ITPR2: variants seen among roughly 807,000 people sequenced by gnomAD.
ITPR2 encodes inositol 1,4,5-trisphosphate receptor type 2.
Under a neutral mutation model 317.1 loss-of-function variants are expected in ITPR2, and 207 were observed. The observed-to-expected ratio is 0.65, with a 90% CI of 0.58 to 0.73. ITPR2 has a LOEUF of 0.73. ITPR2 is among the 30% of genes least tolerant of loss of function. The probability of loss-of-function intolerance (pLI) is 0.00; values close to 1 mark genes in which losing one functional copy is unlikely to be tolerated. For synonymous variants in ITPR2, 1,156 were observed against 1,149.1 expected, an observed-to-expected ratio of 1.01 and a Z score of -0.12; for missense variants, 2,613 against 3,284.0, an observed-to-expected ratio of 0.80 and a Z score of 4.99.
At chr12:26,645,544 G>A (rs1005557124) in intron 21 of ITPR2, among the ~76,000 whole-genome samples, 21 of 152,224 alleles carry the variant, frequency 1.4e-4, no homozygotes, top group African/African-American at 5.1e-4. Flanking sequence ...AGCAGAGCAT[G>A]GACAGAGGGA....
At chr12:26,477,420 C>T (rs893838521) in intron 43 of ITPR2, among the ~76,000 whole-genome samples, 1 of 151,696 alleles carries the variant, frequency 6.6e-6, no homozygotes. Flanking sequence ...GAATTTAGCA[C>T]AATTGTTAAA....
At chr12:26,734,119 A>G (rs1949076130) in intron 2 of ITPR2, among the ~76,000 whole-genome samples, 1 of 152,190 alleles carries the variant, frequency 6.6e-6, no homozygotes, top group African/African-American at 2.4e-5. Flanking sequence ...TTCTTTCACA[A>G]ATGCTTTGAA....
At chr12:26,765,844 C>T (rs1229198850) in intron 2 of ITPR2, among the ~76,000 whole-genome samples, 1 of 152,136 alleles carries the variant, frequency 6.6e-6, no homozygotes, top group Non-Finnish European at 1.5e-5. Context: ...TAATTTCTGT[C>T]TCTACAGATT....
chr12:26,471,503 G>A (rs185788849), intron 45 of ITPR2, among the ~76,000 whole-genome samples: 19 of 152,276 alleles, frequency 1.2e-4, no homozygotes, highest in Non-Finnish European at 2.6e-4. Flanking sequence ...AGTATTAGAA[G>A]TTAAGAAATT....
chr12:26,396,462 G>A (rs1352847775), intron 54 of ITPR2, among the ~76,000 whole-genome samples: 7 of 152,082 alleles, frequency 4.6e-5, no homozygotes, highest in African/African-American at 1.4e-4. Context: ...TTCCAAAGCT[G>A]TTTTCTCCCC....
At chr12:26,547,385 T>C (rs1008702549) in intron 37 of ITPR2, among the ~76,000 whole-genome samples, 2 of 152,056 alleles carry the variant, frequency 1.3e-5, no homozygotes, top group African/African-American at 4.8e-5. Context: ...TGGCTATTAT[T>C]AAAAAGACAA....
intron 37 of ITPR2, among the ~76,000 whole-genome samples, chr12:26,529,922 G>GCCA (rs1259189145): frequency 2.6e-5 from 4 of 152,088 alleles, no homozygotes; most frequent in African/African-American, 9.7e-5. Context: ...TCATTGTTTT[G>GCCA]TTTTCTTTCA....
At chr12:26,541,672 G>A (rs1944266458) in intron 37 of ITPR2, among the ~76,000 whole-genome samples, 1 of 152,152 alleles carries the variant, frequency 6.6e-6, no homozygotes, top group Non-Finnish European at 1.5e-5. Flanking sequence ...TACAATAAGA[G>A]GAGCTTGATA....
At chr12:26,483,286 T>C (rs186642371) in intron 42 of ITPR2, among the ~76,000 whole-genome samples, 1 of 152,326 alleles carries the variant, frequency 6.6e-6, no homozygotes, top group African/African-American at 2.4e-5. Context: ...TAGAACCTAT[T>C]CATCAGCAAA....
chr12:26,667,264 T>C (rs1947650264), intron 13 of ITPR2, among the ~76,000 whole-genome samples: 1 of 152,198 alleles, frequency 6.6e-6, no homozygotes, highest in Non-Finnish European at 1.5e-5. Context: ...CCTGATCCTA[T>C]CTCCCGATTT....
intron 37 of ITPR2, among the ~76,000 whole-genome samples, chr12:26,538,379 G>T (rs1944160328): frequency 6.6e-6 from 1 of 151,718 alleles, no homozygotes; most frequent in South Asian, 2.1e-4. Context: ...CCTTCAGGTT[G>T]CTAGAACTAG....
intron 2 of ITPR2, among the ~76,000 whole-genome samples, chr12:26,734,982 T>C (rs1435363961): frequency 6.6e-6 from 1 of 151,302 alleles, no homozygotes; most frequent in Non-Finnish European, 1.5e-5. Context: ...AATTGTGTAA[T>C]TGTGCAAGCC....
chr12:26,581,310 G>A (rs1048297147), intron 32 of ITPR2, among the ~76,000 whole-genome samples: 24 of 152,256 alleles, frequency 1.6e-4, no homozygotes, highest in African/African-American at 5.3e-4. Flanking sequence ...ATGGAGGCGG[G>A]AGAAAGAGAA....
intron 55 of ITPR2, among the ~76,000 whole-genome samples, chr12:26,367,307 A>G (rs566414389): frequency 6.6e-6 from 1 of 152,356 alleles, no homozygotes; most frequent in African/African-American, 2.4e-5. Flanking sequence ...AGCTTGTTCA[A>G]TAAATACTGC....
chr12:26,415,841 A>G (rs1340465954), intron 50 of ITPR2, among the ~76,000 whole-genome samples: 2 of 152,150 alleles, frequency 1.3e-5, no homozygotes, highest in Non-Finnish European at 2.9e-5. Flanking sequence ...CTACTTATTC[A>G]CTTATTCTTT....
chr12:26,756,621 C>CTTG, intron 2 of ITPR2, among the ~76,000 whole-genome samples: 3 of 152,242 alleles, frequency 2.0e-5, no homozygotes, highest in Non-Finnish European at 4.4e-5. Flanking sequence ...GGATAGCCCT[C>CTTG]ACCATACTGA....
Position 26,681,961 on chromosome 12 carries a change from T to C in ITPR2, c.1322A>G (p.Asp441Gly). Residue 441 changes from aspartate (D) to glycine (G), a missense_variant, in exon 13 of 57, where the codon GAC becomes GGC. Asp to Gly is a moderately conservative substitution (Grantham distance 94, BLOSUM62 -1). This residue lies in a region of ITPR2 where 515 missense variants were observed against 789.4 expected (regional missense o/e 0.65). Transcript: ENST00000381340. ...IVSVPLSEVR[D>G]LDFANDANKV... Reference sequence around the variant, plus strand: ...ATTGGCATCATTGGCAAAGTCTAAGTCTCGAACTTCAGACAGTGGAACAGA... The same window carrying C: ...ATTGGCATCATTGGCAAAGTCTAAGCCTCGAACTTCAGACAGTGGAACAGA... The C allele has an allele frequency of 1.9e-6, 3 of 1,613,688 alleles. No individual in the cohort carries two copies. Among genetic ancestry groups the C allele is most frequent in the Non-Finnish European group, 2.5e-6 (3 of 1,179,632 alleles).
intron 37 of ITPR2, among the ~76,000 whole-genome samples, chr12:26,497,839 T>C (rs1193580522): frequency 2.0e-5 from 3 of 151,588 alleles, no homozygotes; most frequent in Admixed American, 6.6e-5. Context: ...GCCTCCCGAG[T>C]AGCTGGGATT....
In ITPR2 at chr12:26,534,906, G is replaced by A. The variant is rs996296466; in HGVS notation, c.5073+15341C>T. On this transcript the variant is annotated intron_variant, in intron 37 of 56. Coordinates refer to ENST00000381340, the MANE Select transcript of ITPR2 (RefSeq NM_002223.4). ...GGGTTAGGATCAATATCTGTGTGAA[G>A]CATTTTTCATTCTTAAGGTTAAAAA... Among the ~76,000 whole-genome samples, 7 of 152,178 alleles carry A rather than the reference G, an allele frequency of 4.6e-5. No individual in the cohort carries two copies. The East Asian group carries it at 1.3e-3, about 29-fold the overall frequency.
Sources: allele counts gnomAD v4.1 joint callset (sites outside exome capture counted in the v4.1 genomes callset), GRCh38; gene constraint gnomAD v4.1.1; regional missense constraint gnomAD v4.1.1; transcripts MANE v1.5; gene names NCBI Gene and HGNC (gene_info 2026-07-23, HGNC 2026-07-21).